The following CDK18 variants were observed in gnomAD, a reference collection of about 807,000 sequenced individuals.
The protein encoded by CDK18 is cyclin dependent kinase 18.
A neutral mutation model predicts 62.0 loss-of-function variants in CDK18; 52 were observed. That is an observed-to-expected ratio of 0.84 (90% CI 0.67 to 1.06). CDK18 has a LOEUF of 1.06. CDK18 is among the 50% of genes least tolerant of loss of function. The probability of loss-of-function intolerance (pLI) is 0.00; values close to 1 mark genes in which losing one functional copy is unlikely to be tolerated. For missense variants in CDK18, 604 were observed against 619.9 expected, an observed-to-expected ratio of 0.97 and a Z score of 0.27; for synonymous variants, 237 against 247.0, an observed-to-expected ratio of 0.96 and a Z score of 0.38.
chr1:205,529,886 G>T (rs761624366), intron 13 of CDK18: 3 of 1,357,402 alleles, frequency 2.2e-6, no homozygotes, highest in Non-Finnish European at 2.9e-6. Context: ...TGAGATGACG[G>T]GACACACTTA....
chr1:205,527,574 T>A lies in CDK18; in HGVS notation c.730-220T>A. ...GCTCCTGACTGAGACTTCGCTGGCC[T>A]CCCCCACACTCACTGCGTCCTCTGC... is the stretch of plus-strand genomic sequence containing the variant. On this transcript the variant is annotated intron_variant, in intron 8 of 15. Coordinates refer to ENST00000429964, the MANE Select transcript of CDK18 (RefSeq NM_212502.3). This position sits in a 1 kb window ranked among gnomAD's most constrained non-coding sequence, Gnocchi z 4.1. The A allele has an allele frequency of 2.0e-6, 1 of 505,086 alleles. No homozygotes were observed. The highest frequency in any genetic ancestry group is 3.6e-6 in the Non-Finnish European group (1 of 280,840). 31.3% of individuals were successfully genotyped at this position (505,086 alleles called of 1,614,324 possible). A position where few individuals can be genotyped will look rare whatever the true frequency, so the allele number is the denominator to read the frequency against.
chr1:205,529,737 G>A (rs1444357175), intron 13 of CDK18, 174 bp downstream of exon 13: 2 of 1,536,596 alleles, frequency 1.3e-6, no homozygotes, highest in Admixed American at 2.0e-5. Flanking sequence ...CACATCCTCT[G>A]GAGTCTGTGC....
rs1203196425 is a variant in CDK18, at chr1:205,516,532, C to G, written c.-21-6615C>G. Among the ~76,000 whole-genome samples the G allele has an allele frequency of 6.6e-6, 1 of 152,144 alleles. No homozygotes were observed. The highest frequency in any genetic ancestry group is 1.5e-5 in the Non-Finnish European group (1 of 68,040). Reference sequence around the variant, plus strand: ...ACTTGGGGATGCATCTAACATGTGCCTGGAACACAGCAGGTGCTCCACATG... The same window carrying G: ...ACTTGGGGATGCATCTAACATGTGCGTGGAACACAGCAGGTGCTCCACATG... On this transcript the variant is annotated intron_variant, in intron 1 of 15. Coordinates refer to ENST00000429964, the MANE Select transcript of CDK18 (RefSeq NM_212502.3). This position sits in a 1 kb window ranked among gnomAD's most constrained non-coding sequence, Gnocchi z 4.8.
At chr1:205,530,603 C>G (rs1668689004) in intron 14 of CDK18, 25 bp from the exon 15 acceptor site, 1 of 1,609,656 alleles carries the variant, frequency 6.2e-7, no homozygotes, top group Admixed American at 1.7e-5. Flanking sequence ...CAGCCCTCTC[C>G]AGACTATGCA....
Position 205,530,684 on chromosome 1 carries a change from G to T in CDK18, c.1369G>T (p.Gly457Cys), listed in dbSNP as rs765990882. 6.2e-7 allele frequency: 1 copy of T among 1,613,870 alleles called. No individual in the cohort carries two copies. ...GCTCCAGAAGGACCCAGGCTACCGA[G>T]GCTTGGCCTTCCAGCAGCCAGGTAG... is the stretch of plus-strand genomic sequence containing the variant. ...IQLQKDPGYR[G>C]LAFQQPGRGK... The change falls in exon 15 of 16, where the codon GGC (glycine) becomes TGC (cysteine). Residue 457 changes from glycine to cysteine, a missense_variant. By Grantham distance (159) the Gly-to-Cys change is radical. Transcript: ENST00000429964.
rs775959501 is a variant in CDK18, at chr1:205,530,384, G to A, written c.1312+35G>A. The A allele has an allele frequency of 1.9e-6, 3 of 1,591,536 alleles. No individual in the cohort carries two copies. In the South Asian group the frequency reaches 3.3e-5, roughly 18 times the overall value. On this transcript the variant is annotated intron_variant, in intron 14 of 15. Transcript: ENST00000429964. ...GGGGGTCCGGGAGCAGGGCCACCCAGAACCAAGGAAAGGGGTTGGTGAGTG... is the reference window on the plus strand; with the variant it reads ...GGGGGTCCGGGAGCAGGGCCACCCAAAACCAAGGAAAGGGGTTGGTGAGTG...
chr1:205,528,993 T>C lies in CDK18; in HGVS notation c.975-6T>C, dbSNP rs2102320866. 7 of 1,568,130 alleles carry C rather than the reference T, an allele frequency of 4.5e-6. No homozygotes were observed. The highest frequency in any genetic ancestry group is 1.2e-5 in the South Asian group (1 of 85,382). ...TGATGCCGACCCTACCCCTTGCTCCTCGCAGGGGCGTGGGCTGCATCCACT... is the reference window on the plus strand; with the variant it reads ...TGATGCCGACCCTACCCCTTGCTCCCCGCAGGGGCGTGGGCTGCATCCACT... On this transcript the variant is annotated splice_region_variant and splice_polypyrimidine_tract_variant and intron_variant, in intron 10 of 15. Transcript: ENST00000429964. The surrounding 1 kb of genome is among the most constrained non-coding windows in gnomAD (Gnocchi z 4.2).
At chr1:205,522,829 C>T (rs775126755) in intron 1 of CDK18, 39 of 200,588 alleles carry the variant, frequency 1.9e-4, no homozygotes, top group Non-Finnish European at 3.6e-4. Context: ...ATCCTCTTTG[C>T]ACATCATGCC....
In CDK18 at chr1:205,527,958, T is replaced by A. The variant is rs1668526873; in HGVS notation, c.853+41T>A. 1 of 1,612,784 alleles carries A rather than the reference T, an allele frequency of 6.2e-7. No homozygotes were observed. Among genetic ancestry groups the A allele is most frequent in the East Asian group, 2.2e-5 (1 of 44,856 alleles). On this transcript the variant is annotated intron_variant, in intron 9 of 15. Coordinates refer to ENST00000429964, the MANE Select transcript of CDK18 (RefSeq NM_212502.3). The surrounding 1 kb of genome is among the most constrained non-coding windows in gnomAD (Gnocchi z 4.1). Reference sequence around the variant, plus strand: ...GGGTGGGGGTCTGACGCTACTGGGGTGCCTCAGGGTGTGGGTGCAGTGGGG... The same window carrying A: ...GGGTGGGGGTCTGACGCTACTGGGGAGCCTCAGGGTGTGGGTGCAGTGGGG...
At chr1:205,505,220 G>C (rs1667247903) in intron 1 of CDK18, among the ~76,000 whole-genome samples, 1 of 150,140 alleles carries the variant, frequency 6.7e-6, no homozygotes, top group South Asian at 2.2e-4. Context: ...TCTGGGAAGG[G>C]CAAGGGTCAG....
Position 205,527,033 on chromosome 1 carries a change from A to G in CDK18, c.729+196A>G. 1 of 586,702 alleles carries G rather than the reference A, an allele frequency of 1.7e-6. No homozygotes were observed. Among genetic ancestry groups the G allele is most frequent in the Non-Finnish European group, 3.1e-6 (1 of 327,098 alleles). 36.3% of individuals were successfully genotyped at this position (586,702 alleles called of 1,614,324 possible). On this transcript the variant is annotated intron_variant, in intron 8 of 15. Transcript: ENST00000429964. This position sits in a 1 kb window ranked among gnomAD's most constrained non-coding sequence, Gnocchi z 4.1. Reference sequence around the variant, plus strand: ...CGCTTTACCCCAAGAACAGACACACACTGTCTGCCACTGTCTAGCTGTTGG... The same window carrying G: ...CGCTTTACCCCAAGAACAGACACACGCTGTCTGCCACTGTCTAGCTGTTGG...
chr1:205,508,740 A>C (rs540757062), intron 1 of CDK18, among the ~76,000 whole-genome samples: 1 of 152,316 alleles, frequency 6.6e-6, no homozygotes, highest in African/African-American at 2.4e-5. Context: ...GCTACTCGGG[A>C]GGCTGAGAGG....
At position 205,527,747 on chromosome 1, in the gene CDK18, G is replaced by C. The variant is rs750598328; in HGVS notation, c.730-47G>C. The C allele has an allele frequency of 1.9e-6, 3 of 1,602,956 alleles. No homozygotes were observed. The South Asian group carries it at 3.4e-5, about 18-fold the overall frequency. ...ATCCTGGTCCCAGCCTTGGAGCAGA[G>C]GCTCAGGGCCACCTTCCACCCCACA... On this transcript the variant is annotated intron_variant, in intron 8 of 15. Coordinates refer to ENST00000429964, the MANE Select transcript of CDK18 (RefSeq NM_212502.3). This position sits in a 1 kb window ranked among gnomAD's most constrained non-coding sequence, Gnocchi z 4.1.
chr1:205,521,620 G>A (rs370774929), intron 1 of CDK18, among the ~76,000 whole-genome samples: 45 of 152,348 alleles, frequency 3.0e-4, no homozygotes, highest in African/African-American at 8.2e-4. Context: ...GTGCCAGCCC[G>A]CTAAAGGAAT....
At chr1:205,510,108 C>G (rs1446349455) in intron 1 of CDK18, among the ~76,000 whole-genome samples, 1 of 151,980 alleles carries the variant, frequency 6.6e-6, no homozygotes, top group African/African-American at 2.4e-5. Context: ...TCTACCCTCC[C>G]TCACTCTGAA....
rs753127373 is a variant in CDK18 at position 205,527,854 on chromosome 1, C to T, written c.790C>T (p.Arg264Trp). The T allele has an allele frequency of 9.9e-6, 16 of 1,613,968 alleles. No homozygotes were observed. Among genetic ancestry groups the T allele is most frequent in the Admixed American group, 3.3e-5 (2 of 59,994 alleles). Residue 264 changes from arginine to tryptophan, a missense_variant, in exon 9 of 16, where the codon CGG becomes TGG. Physicochemically the swap from Arg to Trp is moderately radical, Grantham distance 101. Transcript: ENST00000429964. The surrounding 1 kb of genome is among the most constrained non-coding windows in gnomAD (Gnocchi z 4.1). The stretch of plus-strand genomic sequence containing the variant: ...CTGTCACCACCGCAAGATCCTGCAC[C>T]GGGACCTGAAGCCCCAGAACCTGCT... ...AYCHHRKILH[R>W]DLKPQNLLIN...
At position 205,526,656 on chromosome 1, in the gene CDK18, C is replaced by T. The variant is rs1668447049; in HGVS notation, c.667-119C>T. On this transcript the variant is annotated intron_variant, in intron 7 of 15. Coordinates refer to ENST00000429964, the MANE Select transcript of CDK18 (RefSeq NM_212502.3). Reference sequence around the variant, plus strand: ...GCTTACGGGTGGCTCGAGCCAGGGACCTGTCCCACTAGTGGGCGTGGGCCC... The same window carrying T: ...GCTTACGGGTGGCTCGAGCCAGGGATCTGTCCCACTAGTGGGCGTGGGCCC... 3 of 1,050,780 alleles carry T rather than the reference C, an allele frequency of 2.9e-6. No homozygotes were observed. In the South Asian group the frequency reaches 3.8e-5, roughly 13 times the overall value. The allele number at this position is 1,050,780 out of a possible 1,614,324, so 65.1% of individuals were successfully genotyped here.
intron 13 of CDK18, chr1:205,529,882 G>A: frequency 7.4e-7 from 1 of 1,355,056 alleles, no homozygotes; most frequent in Non-Finnish European, 9.7e-7. Flanking sequence ...ACATTGAGAT[G>A]ACGGGACACA....
At chr1:205,505,368 C>T (rs1667255745) in intron 1 of CDK18, among the ~76,000 whole-genome samples, 1 of 151,950 alleles carries the variant, frequency 6.6e-6, no homozygotes, top group African/African-American at 2.4e-5. Flanking sequence ...TGGAAGGACA[C>T]GTGAAGCCCT....
Sources: allele counts gnomAD v4.1 joint callset (sites outside exome capture counted in the v4.1 genomes callset), GRCh38; gene constraint gnomAD v4.1.1; non-coding constraint Gnocchi (gnomAD v3.1); transcripts MANE v1.5; gene names NCBI Gene and HGNC (gene_info 2026-07-23, HGNC 2026-07-21).